Variants in OPCML observed in about 807,000 individuals in gnomAD.
OPCML encodes the protein opioid binding protein/cell adhesion molecule like.
Under a neutral mutation model 37.8 loss-of-function variants are expected in OPCML, and 13 were observed. The observed-to-expected ratio is 0.34, with a 90% CI of 0.22 to 0.55. The LOEUF (loss-of-function observed/expected upper bound fraction) is 0.55, where lower values mean the gene tolerates loss of function less well. OPCML is among the 20% of genes least tolerant of loss of function. The pLI is 0.91. For synonymous variants in OPCML, 176 were observed against 168.8 expected, an observed-to-expected ratio of 1.04 and a Z score of -0.33; for missense variants, 341 against 435.6, an observed-to-expected ratio of 0.78 and a Z score of 1.93.
At chr11:133,362,811 G>A (rs536280648) in intron 1 of OPCML, among the ~76,000 whole-genome samples, 1 of 152,134 alleles carries the variant, frequency 6.6e-6, no homozygotes, top group African/African-American at 2.4e-5. Context: ...ACTGTCCCAC[G>A]TCCTAATCCC....
At chr11:132,926,176 C>G (rs778032078) in intron 2 of OPCML, among the ~76,000 whole-genome samples, 8 of 152,168 alleles carry the variant, frequency 5.3e-5, no homozygotes, top group Non-Finnish European at 1.2e-4. Context: ...GCACTCATCA[C>G]TGTGTAACAT....
At chr11:132,590,641 G>A (rs1271711831) in intron 3 of OPCML, among the ~76,000 whole-genome samples, 1 of 152,130 alleles carries the variant, frequency 6.6e-6, no homozygotes, top group Non-Finnish European at 1.5e-5. Context: ...GCACTTTAGT[G>A]GAACCTAGGT....
chr11:133,483,795 T>TGATAGATAGATAGATAGATA (rs61121084), intron 1 of OPCML, among the ~76,000 whole-genome samples: 24 of 132,426 alleles, frequency 1.8e-4, no homozygotes, highest in Admixed American at 3.1e-4. Flanking sequence ...GATACATAGA[T>TGATAGATAGATAGATAGATA]GATAGATAGA....
chr11:132,493,918 C>T (rs1024119014), intron 4 of OPCML, among the ~76,000 whole-genome samples: 2 of 152,162 alleles, frequency 1.3e-5, no homozygotes, highest in South Asian at 2.1e-4. Context: ...TTTTGATTTC[C>T]GGGTGCAAAA....
At chr11:133,238,776 C>T (rs1278998307) in intron 1 of OPCML, among the ~76,000 whole-genome samples, 3 of 152,218 alleles carry the variant, frequency 2.0e-5, no homozygotes, top group African/African-American at 7.2e-5. Flanking sequence ...GGGAAAAAAA[C>T]GACAGTATTC....
intron 1 of OPCML, among the ~76,000 whole-genome samples, chr11:133,161,085 A>G (rs1384003374): frequency 1.3e-5 from 2 of 152,070 alleles, no homozygotes; most frequent in African/African-American, 4.8e-5. Context: ...TTTATCTCTT[A>G]ATCGACTAAA....
chr11:133,004,536 C>A (rs1236018112), intron 1 of OPCML: 1 of 985,414 alleles, frequency 1.0e-6, no homozygotes, highest in Non-Finnish European at 1.2e-6. Flanking sequence ...TGGCCATGCA[C>A]CTCTTGGCCG....
At chr11:133,009,319 G>T (rs755042102) in intron 1 of OPCML, 1 of 652,496 alleles carries the variant, frequency 1.5e-6, no homozygotes, top group Non-Finnish European at 1.9e-6. Flanking sequence ...CAAAACAACA[G>T]AATCTAGAAT....
intron 1 of OPCML, among the ~76,000 whole-genome samples, chr11:133,494,728 G>T (rs199789243): frequency 3.8e-5 from 4 of 104,450 alleles, no homozygotes; most frequent in East Asian, 2.4e-4. Context: ...TTGTGGGGCG[G>T]GGGGACGGGG....
At chr11:133,341,921 GA>G (rs140775649) in intron 1 of OPCML, among the ~76,000 whole-genome samples, 27 of 147,034 alleles carry the variant, frequency 1.8e-4, no homozygotes, top group Non-Finnish European at 2.0e-4. Flanking sequence ...CCATTTTGGG[GA>G]AAAAAAAAAG....
intron 1 of OPCML, among the ~76,000 whole-genome samples, chr11:133,116,656 A>G (rs1023669507): frequency 1.3e-5 from 2 of 152,168 alleles, no homozygotes; most frequent in Non-Finnish European, 2.9e-5. Context: ...ATTAGGAGGC[A>G]TGTGAAATAG....
At position 132,417,510 on chromosome 11, in the gene OPCML, G is replaced by A. The variant is rs1181809587; in HGVS notation, c.*2683C>T. The A allele has an allele frequency of 6.6e-6, 1 of 152,200 alleles. No homozygotes were observed. The highest frequency in any genetic ancestry group is 1.5e-5 in the Non-Finnish European group (1 of 68,050). 9.4% of individuals were successfully genotyped at this position (152,200 alleles called of 1,614,324 possible). On this transcript the variant is annotated 3_prime_UTR_variant, in exon 8 of 8. Transcript: ENST00000524381. Reference sequence around the variant, plus strand: ...GTATCCTTTGGAAGGGGGAACAGCAGGGTTCCATAGTGGCCCTGAAGCCAG... The same window carrying A: ...GTATCCTTTGGAAGGGGGAACAGCAAGGTTCCATAGTGGCCCTGAAGCCAG...
rs977351399 is a variant in OPCML, at chr11:132,962,588, A to C, written c.62-19578T>G. Among the ~76,000 whole-genome samples, 4 of 152,346 alleles carry C rather than the reference A, an allele frequency of 2.6e-5. No individual in the cohort carries two copies. The South Asian group carries it at 6.2e-4, about 24-fold the overall frequency. ...CATATTTGTCACAGAGGGGGCACCC[A>C]GTTAAAGACATGTCATTTATTTCTT... On this transcript the variant is annotated intron_variant, in intron 1 of 7. Transcript: ENST00000524381.
At chr11:132,987,309 G>A (rs1946697736) in intron 1 of OPCML, among the ~76,000 whole-genome samples, 1 of 152,152 alleles carries the variant, frequency 6.6e-6, no homozygotes, top group African/African-American at 2.4e-5. Context: ...GCCAACCTGA[G>A]GAGCCAGGCA....
intron 1 of OPCML, among the ~76,000 whole-genome samples, chr11:133,198,494 C>T (rs1156476541): frequency 6.6e-6 from 1 of 152,220 alleles, no homozygotes; most frequent in Non-Finnish European, 1.5e-5. Flanking sequence ...CAAACCAAGA[C>T]ATTGGGCATG....
intron 1 of OPCML, among the ~76,000 whole-genome samples, chr11:133,357,099 T>C (rs757355844): frequency 6.6e-6 from 1 of 152,218 alleles, no homozygotes; most frequent in Admixed American, 6.5e-5. Flanking sequence ...CTTCTCGCAG[T>C]GCTCCTAGAA....
intron 1 of OPCML, among the ~76,000 whole-genome samples, chr11:133,113,421 G>C (rs889449959): frequency 2.6e-5 from 4 of 152,184 alleles, no homozygotes; most frequent in African/African-American, 9.7e-5. Flanking sequence ...AGAAGAACAA[G>C]GAAGCAGGAG....
rs1939396749 is a variant in OPCML, at chr11:133,212,319, C to T, written c.62-269309G>A. 6.6e-6 allele frequency among the ~76,000 whole-genome samples: 1 copy of T among 152,168 alleles called. No homozygotes were observed. The highest frequency in any genetic ancestry group is 2.4e-5 in the African/African-American group (1 of 41,440). ...TCATCTACCGCCCTGCTTCCCATTTCCTCTCAGATCTCATCTCCTGCCACT... is the reference window on the plus strand; with the variant it reads ...TCATCTACCGCCCTGCTTCCCATTTTCTCTCAGATCTCATCTCCTGCCACT... On this transcript the variant is annotated intron_variant, in intron 1 of 7. Transcript: ENST00000524381. The surrounding 1 kb of genome is among the most constrained non-coding windows in gnomAD (Gnocchi z 4.9).
At chr11:133,000,030 G>C (rs1591896899) in intron 1 of OPCML, among the ~76,000 whole-genome samples, 1 of 152,170 alleles carries the variant, frequency 6.6e-6, no homozygotes, top group African/African-American at 2.4e-5. Flanking sequence ...TGACAAGAAA[G>C]GAGGATATCT....
Sources: allele counts gnomAD v4.1 joint callset (sites outside exome capture counted in the v4.1 genomes callset), GRCh38; gene constraint gnomAD v4.1.1; non-coding constraint Gnocchi (gnomAD v3.1); transcripts MANE v1.5; gene names NCBI Gene and HGNC (gene_info 2026-07-23, HGNC 2026-07-21).